SEC24D: variants seen among roughly 807,000 people sequenced by gnomAD.
The protein encoded by SEC24D is SEC24 homolog D, COPII component.
A neutral mutation model predicts 116.9 loss-of-function variants in SEC24D; 69 were observed. That is an observed-to-expected ratio of 0.59 (90% CI 0.49 to 0.72). SEC24D has a LOEUF of 0.72. SEC24D is among the 30% of genes least tolerant of loss of function. The pLI is 0.00. For missense variants in SEC24D, 1,131 were observed against 1,264.1 expected (o/e 0.89, Z 1.60); for synonymous variants, 405 against 442.8 (o/e 0.91, Z 1.07).
Position 118,822,307 on chromosome 4 carries a change from ACT to A in SEC24D, c.248+2311_248+2312del, listed in dbSNP as rs1298871325. Reference sequence around the variant, plus strand: ...GGCCAAGATTAGCAAACATGTCCTGACTCTAGAGTCCTCTGCTCTTCACTGGG... The same window carrying A: ...GGCCAAGATTAGCAAACATGTCCTGACTAGAGTCCTCTGCTCTTCACTGGG... On this transcript the variant is annotated intron_variant, in intron 3 of 22. Transcript: ENST00000280551. Among the ~76,000 whole-genome samples the A allele has an allele frequency of 2.6e-5, 4 of 151,962 alleles. No individual in the cohort carries two copies. In the South Asian group the frequency reaches 6.2e-4, roughly 24 times the overall value.
intron 11 of SEC24D, among the ~76,000 whole-genome samples, chr4:118,755,842 G>C (rs1328838761): frequency 1.3e-5 from 2 of 152,176 alleles, no homozygotes; most frequent in Non-Finnish European, 2.9e-5. Flanking sequence ...AAGGTAATTG[G>C]CTTGAATAAA....
intron 17 of SEC24D, among the ~76,000 whole-genome samples, chr4:118,739,772 C>G (rs1261745892): frequency 1.3e-5 from 2 of 152,142 alleles, no homozygotes; most frequent in African/African-American, 4.8e-5. Context: ...AAAAAATAAA[C>G]TTTAGTTAAA....
At chr4:118,802,263 C>T (rs1322203539) in intron 7 of SEC24D, among the ~76,000 whole-genome samples, 1 of 152,114 alleles carries the variant, frequency 6.6e-6, no homozygotes, top group Non-Finnish European at 1.5e-5. Flanking sequence ...GAGCCAAAGG[C>T]AAAGGAATAA....
chr4:118,812,857 G>A (rs988751771), intron 6 of SEC24D, among the ~76,000 whole-genome samples: 1 of 152,070 alleles, frequency 6.6e-6, no homozygotes, highest in African/African-American at 2.4e-5. Context: ...AACTAAAAGA[G>A]CACCCTGTAA....
At chr4:118,732,986 C>T in intron 19 of SEC24D, 74 bp from the exon 20 acceptor site, 5 of 1,280,402 alleles carry the variant, frequency 3.9e-6, no homozygotes, top group Non-Finnish European at 5.5e-6. Context: ...ATCTGTAAGA[C>T]TGAAACATTA....
chr4:118,739,357 T>C (rs1049383299), intron 17 of SEC24D, 70 bp from the exon 18 acceptor site: 1 of 1,475,642 alleles, frequency 6.8e-7, no homozygotes, highest in Non-Finnish European at 9.3e-7. Context: ...TTGATCTTAC[T>C]TGCATTTACA....
chr4:118,725,107 G>A (rs1725339673), intron 22 of SEC24D, among the ~76,000 whole-genome samples: 2 of 152,166 alleles, frequency 1.3e-5, no homozygotes, highest in Non-Finnish European at 2.9e-5. Context: ...AGTCTGTTAG[G>A]TTTTAAGTTG....
chr4:118,780,494 A>G (rs1462408477), intron 8 of SEC24D, among the ~76,000 whole-genome samples: 2 of 152,104 alleles, frequency 1.3e-5, no homozygotes, highest in African/African-American at 4.8e-5. Context: ...GTTCTTTTAC[A>G]TTTGCTGAGG....
chr4:118,824,848 GA>G (rs1213666390), intron 2 of SEC24D, 99 bp from the exon 3 acceptor site: 3 of 1,063,490 alleles, frequency 2.8e-6, no homozygotes, highest in Non-Finnish European at 4.0e-6. Context: ...GAGGAGGAGG[GA>G]AACAAATGGA....
chr4:118,779,304 T>C (rs1055753127), intron 8 of SEC24D, among the ~76,000 whole-genome samples: 17 of 152,228 alleles, frequency 1.1e-4, no homozygotes, highest in African/African-American at 4.1e-4. Flanking sequence ...TAAGAGTTTT[T>C]AGCATGAAGG....
chr4:118,737,495 C>A (rs1726019859), intron 19 of SEC24D, among the ~76,000 whole-genome samples: 4 of 152,104 alleles, frequency 2.6e-5, no homozygotes, highest in Admixed American at 2.6e-4. Context: ...TTAGGTGGGG[C>A]TTCAGATGTC....
At chr4:118,751,690 T>C (rs1206499481) in intron 13 of SEC24D, among the ~76,000 whole-genome samples, 2 of 152,186 alleles carry the variant, frequency 1.3e-5, no homozygotes, top group African/African-American at 2.4e-5. Flanking sequence ...CTGGTAGTTC[T>C]GATATTGTTG....
chr4:118,731,437 T>C lies in SEC24D; in HGVS notation c.2747A>G (p.Glu916Gly), dbSNP rs770700165. 10 of 1,613,980 alleles carry C rather than the reference T, an allele frequency of 6.2e-6. No homozygotes were observed. The East Asian group carries it at 2.0e-4, about 32-fold the overall frequency. ...VRCSESRLSE[E>G]GIFLLANGLH... is the part of the protein sequence containing the mutation. ...ACCATTAGCCAGTAAGAATATTCCTTCTTCTGAAAGACGGGACTCAGAGCA... is the reference window on the plus strand; with the variant it reads ...ACCATTAGCCAGTAAGAATATTCCTCCTTCTGAAAGACGGGACTCAGAGCA... Residue 916 changes from glutamate (E) to glycine (G), a missense_variant, in exon 21 of 23, where the codon GAA becomes GGA. By Grantham distance (98) the Glu-to-Gly change is moderately conservative. Coordinates refer to ENST00000280551, the MANE Select transcript of SEC24D (RefSeq NM_014822.4).
At chr4:118,733,700 ATGAT>A (rs922363208) in intron 19 of SEC24D, among the ~76,000 whole-genome samples, 142 of 152,350 alleles carry the variant, frequency 9.3e-4, no homozygotes, top group African/African-American at 3.3e-3. Flanking sequence ...TCATTAATGA[ATGAT>A]AACATGCAAA....
intron 2 of SEC24D, among the ~76,000 whole-genome samples, chr4:118,825,868 T>C (rs1224525845): frequency 6.6e-6 from 1 of 152,132 alleles, no homozygotes; most frequent in East Asian, 1.9e-4. Flanking sequence ...ACATTTCCTT[T>C]ATTCTGTTAT....
chr4:118,744,997 C>G lies in SEC24D; in HGVS notation c.1771G>C (p.Gly591Arg). The change falls in exon 14 of 23, where the codon GGG becomes CGG. Residue 591 changes from glycine to arginine, a missense_variant. Coordinates refer to ENST00000280551, the MANE Select transcript of SEC24D (RefSeq NM_014822.4). ...HSSLPTAEAP[G>R]KLKNRDDKKL... ...TTGTCATCTCTGTTTTTGAGCTTCC[C>G]TGGTGCTTCAGCAGTTGGCAAGGAA... 6.2e-7 allele frequency: 1 copy of G among 1,612,346 alleles called. No homozygotes were observed. The highest frequency in any genetic ancestry group is 1.1e-5 in the South Asian group (1 of 91,004).
chr4:118,808,975 A>G (rs1729786434), intron 6 of SEC24D, among the ~76,000 whole-genome samples: 1 of 130,810 alleles, frequency 7.6e-6, no homozygotes, highest in South Asian at 2.6e-4. Context: ...AAAGCACCCA[A>G]CTTCTTTTTT....
chr4:118,796,170 T>C (rs1729170513), intron 8 of SEC24D, among the ~76,000 whole-genome samples: 3 of 152,224 alleles, frequency 2.0e-5, no homozygotes, highest in African/African-American at 7.2e-5. Flanking sequence ...GAAATCGTTT[T>C]AGATTTTCTG....
At chr4:118,799,355 G>A (rs1296964946) in intron 7 of SEC24D, among the ~76,000 whole-genome samples, 4 of 152,120 alleles carry the variant, frequency 2.6e-5, no homozygotes, top group Non-Finnish European at 5.9e-5. Flanking sequence ...ACGGGTGTGC[G>A]GGTAGAGATC....
Sources: allele counts gnomAD v4.1 joint callset (sites outside exome capture counted in the v4.1 genomes callset), GRCh38; gene constraint gnomAD v4.1.1; transcripts MANE v1.5; gene names NCBI Gene and HGNC (gene_info 2026-07-23, HGNC 2026-07-21).